The following SFPQ variants were observed in gnomAD, a reference collection of about 807,000 sequenced individuals.
SFPQ encodes the protein splicing factor, proline- and glutamine-rich.
In SFPQ, 11 loss-of-function variants were observed where a neutral mutation model predicts 72.9. The ratio of observed to expected loss-of-function variants is 0.15; its 90% CI spans 0.09 to 0.25. SFPQ has a LOEUF of 0.25. SFPQ is among the 10% of genes least tolerant of loss of function. The pLI is 1.00. For synonymous variants in SFPQ, 506 were observed against 367.3 expected (o/e 1.38, Z -4.32); for missense variants, 847 against 993.3 (o/e 0.85, Z 1.98).
Position 35,192,258 on chromosome 1 carries a change from G to C in SFPQ, c.792C>G (p.Pro264=), listed in dbSNP as rs969006575. The C allele has an allele frequency of 3.4e-6, 5 of 1,463,078 alleles. No homozygotes were observed. In the Admixed American group the frequency reaches 1.0e-4, roughly 30 times the overall value. The allele number at this position is 1,463,078 out of a possible 1,614,324, so 90.6% of individuals were successfully genotyped here. A position where few individuals can be genotyped will look rare whatever the true frequency, so the allele number is the denominator to read the frequency against. The change falls in exon 1 of 10, where the codon CCC becomes CCG. Residue 264 remains proline (P), a synonymous_variant. Transcript: ENST00000357214. ...AGATCTTCTCCTCGCTGCGGCCGCC[G>C]GGCCCGCCGGGCGGGGGCCCCTGGT... The part of the protein sequence containing the change: ...QHHQGPPPGG[P]GGRSEEKISD...
At chr1:35,181,106 C>G, downstream of SFPQ, 1 of 1,064,974 alleles carries the variant, frequency 9.4e-7, no homozygotes, top group Non-Finnish European at 1.1e-6. Flanking sequence ...TACAAGTCAC[C>G]AAGTTAGATT....
At chr1:35,181,696 T>G (rs1241093404), downstream of SFPQ, 51 of 1,061,102 alleles carry the variant, frequency 4.8e-5, no homozygotes, top group Non-Finnish European at 5.7e-5. Context: ...TGGGGACAAG[T>G]GGTTTCTTTA....
In SFPQ at chr1:35,192,771, C is replaced by G; in HGVS notation, c.279G>C (p.Pro93=). The G allele has an allele frequency of 6.0e-6, 9 of 1,500,310 alleles. No individual in the cohort carries two copies. Among genetic ancestry groups the G allele is most frequent in the Non-Finnish European group, 7.1e-6 (8 of 1,130,524 alleles). The allele number at this position is 1,500,310 out of a possible 1,614,324, so 92.9% of individuals were successfully genotyped here. A position where few individuals can be genotyped will look rare whatever the true frequency, so the allele number is the denominator to read the frequency against. ...PPHQPPPHPQ[P]HQQQQPPPPP... is the part of the protein sequence containing the mutation. Reference sequence around the variant, plus strand: ...GTGGCGGCGGCTGCTGCTGCTGATGCGGCTGTGGATGCGGCGGCGGCTGAT... The same window carrying G: ...GTGGCGGCGGCTGCTGCTGCTGATGGGGCTGTGGATGCGGCGGCGGCTGAT... Residue 93 remains proline, a synonymous_variant, in exon 1 of 10, where the codon CCG becomes CCC. Transcript: ENST00000357214.
downstream of SFPQ, chr1:35,181,465 C>G (rs1053045644): frequency 9.4e-7 from 1 of 1,063,548 alleles, no homozygotes; most frequent in Non-Finnish European, 1.1e-6. Flanking sequence ...TACAATACAT[C>G]TATAAAGAGT....
At position 35,189,083 on chromosome 1, in the gene SFPQ, C is replaced by T. The variant is rs1346365396; in HGVS notation, c.1617G>A (p.Leu539=). The change falls in exon 6 of 10, where the codon CTG becomes CTA. Residue 539 remains leucine, a synonymous_variant. Coordinates refer to ENST00000357214, the MANE Select transcript of SFPQ (RefSeq NM_005066.3). ...GTCTTAATTCTTCCTGTCGTCTCAT[C>T]AGATCTGAACATTGGAAAATATTTG... is the stretch of plus-strand genomic sequence containing the variant. ...EHQANLLRQD[L]MRRQEELRRM... The T allele has an allele frequency of 6.2e-7, 1 of 1,613,232 alleles. No homozygotes were observed. Among genetic ancestry groups the T allele is most frequent in the African/African-American group, 1.3e-5 (1 of 74,910 alleles).
Position 35,189,181 on chromosome 1 carries a change from T to C in SFPQ, c.1612+5A>G, listed in dbSNP as rs1484381522. On this transcript the variant is annotated splice_donor_5th_base_variant and intron_variant, in intron 5 of 9. Transcript: ENST00000357214. ...GCAATGATGTTCACGCACAGGTCTT[T>C]TTACCTTGGCGCAAAAGATTTGCCT... 2 of 1,613,744 alleles carry C rather than the reference T, an allele frequency of 1.2e-6. No individual in the cohort carries two copies.
chr1:35,182,570 CCAA>C (rs1639515093), downstream of SFPQ: 3 of 985,362 alleles, frequency 3.0e-6, no homozygotes, highest in African/African-American at 1.7e-5. Flanking sequence ...TCAGATTGTT[CCAA>C]CAATAGGTCT....
At chr1:35,186,516 A>G (rs1036179531) in intron 9 of SFPQ, among the ~76,000 whole-genome samples, 2 of 152,194 alleles carry the variant, frequency 1.3e-5, no homozygotes, top group Non-Finnish European at 2.9e-5. Context: ...TTCCCTTTTC[A>G]TAGGATAGAA....
rs929257711 is a variant in SFPQ at position 35,192,348 on chromosome 1, C to T, written c.702G>A (p.Pro234=). 3 of 1,396,318 alleles carry T rather than the reference C, an allele frequency of 2.1e-6. No homozygotes were observed. Among genetic ancestry groups the T allele is most frequent in the Middle Eastern group, 2.6e-4 (1 of 3,834 alleles). The allele number at this position is 1,396,318 out of a possible 1,614,324, so 86.5% of individuals were successfully genotyped here. ...CGCGGGGCTCCCCGCCGCCTCGATG[C>T]GGCGGCTTGGGGTGGCCGCCAGGCG... The part of the protein sequence containing the change: ...LSTPGGHPKP[P]HRGGGEPRGG... The change falls in exon 1 of 10, where the codon CCG becomes CCA. Residue 234 remains proline (P), a synonymous_variant. Coordinates refer to ENST00000357214, the MANE Select transcript of SFPQ (RefSeq NM_005066.3).
chr1:35,190,700 A>G lies in SFPQ; in HGVS notation c.1313T>C (p.Leu438Pro), dbSNP rs1639955825. The change falls in exon 3 of 10, where the codon CTG (leucine) becomes CCG (proline). Residue 438 changes from leucine to proline, a missense_variant. Physicochemically the swap from Leu to Pro is moderately conservative, Grantham distance 98. Around this residue, in one of 6 missense-constraint regions of SFPQ, gnomAD observed 132 missense variants for 255.4 expected, o/e 0.52. Coordinates refer to ENST00000357214, the MANE Select transcript of SFPQ (RefSeq NM_005066.3). Reference sequence around the variant, plus strand: ...AATAAACAAGACAACTTACGTCGTCAGTAAGAAAACACCTTCACTGCATCG... The same window carrying G: ...AATAAACAAGACAACTTACGTCGTCGGTAAGAAAACACCTTCACTGCATCG... ...FERCSEGVFL[L>P]TTTPRPVIVE... 1.2e-6 allele frequency: 2 copies of G among 1,613,054 alleles called. No homozygotes were observed. Among genetic ancestry groups the G allele is most frequent in the Non-Finnish European group, 1.7e-6 (2 of 1,179,502 alleles).
At chr1:35,180,290 T>A (rs1639413881), downstream of SFPQ, 1 of 1,048,662 alleles carries the variant, frequency 9.5e-7, no homozygotes, top group Non-Finnish European at 1.2e-6. Context: ...TGATGCAAAG[T>A]CCTAAGCAAC....
Position 35,192,390 on chromosome 1 carries a change from G to T in SFPQ, c.660C>A (p.Gly220=). Residue 220 remains glycine, a synonymous_variant, in exon 1 of 10, where the codon GGC becomes GGA. Transcript: ENST00000357214. ...GKMPGGPKPG[G]GPGLSTPGGH... is the part of the protein sequence containing the mutation. Reference sequence around the variant, plus strand: ...CGCCAGGCGTACTTAGGCCCGGGCCGCCACCTGGCTTCGGCCCGCCAGGCA... The same window carrying T: ...CGCCAGGCGTACTTAGGCCCGGGCCTCCACCTGGCTTCGGCCCGCCAGGCA... 1 of 1,411,286 alleles carries T rather than the reference G, an allele frequency of 7.1e-7. No individual in the cohort carries two copies. Among genetic ancestry groups the T allele is most frequent in the South Asian group, 1.5e-5 (1 of 66,860 alleles). The allele number at this position is 1,411,286 out of a possible 1,614,324, so 87.4% of individuals were successfully genotyped here. A position where few individuals can be genotyped will look rare whatever the true frequency, so the allele number is the denominator to read the frequency against.
At chr1:35,187,722 ACT>A (rs1639788535) in intron 7 of SFPQ, among the ~76,000 whole-genome samples, 1 of 151,440 alleles carries the variant, frequency 6.6e-6, no homozygotes, top group African/African-American at 2.4e-5. Flanking sequence ...CAAGAGCAAA[ACT>A]CTCTCCAAAA....
At chr1:35,188,883 C>T in intron 6 of SFPQ, 120 bp downstream of exon 6, 1 of 750,854 alleles carries the variant, frequency 1.3e-6, no homozygotes, top group Non-Finnish European at 2.3e-6. Context: ...ATCGCTTGAA[C>T]CCAGGAAGCG....
downstream of SFPQ, chr1:35,180,128 TCA>T: frequency 1.9e-6 from 2 of 1,049,014 alleles, no homozygotes; most frequent in Non-Finnish European, 2.3e-6. Flanking sequence ...AAGAAAAGTC[TCA>T]TAGTCATGAA....
intron 1 of SFPQ, 44 bp downstream of exon 1, chr1:35,192,178 C>T (rs1328635657): frequency 7.6e-7 from 1 of 1,320,924 alleles, no homozygotes; most frequent in Non-Finnish European, 9.7e-7. Flanking sequence ...AGGGGGCCGC[C>T]GCCATCTTAG....
chr1:35,188,872 A>G, intron 6 of SFPQ, 131 bp downstream of exon 6: 1 of 692,452 alleles, frequency 1.4e-6, no homozygotes, highest in Non-Finnish European at 2.5e-6. Context: ...GAGGCAAGAG[A>G]ATCGCTTGAA....
downstream of SFPQ, chr1:35,179,123 A>T: frequency 2.8e-6 from 3 of 1,058,926 alleles, no homozygotes; most frequent in Non-Finnish European, 3.4e-6. Context: ...CTAAAGCCAA[A>T]ACCAAATAAA....
At chr1:35,186,859 T>A in intron 9 of SFPQ, 142 bp downstream of exon 9, 1 of 762,392 alleles carries the variant, frequency 1.3e-6, no homozygotes, top group South Asian at 1.9e-5. Flanking sequence ...TCCTCAATAT[T>A]ACATATTTAT....
Sources: gnomAD v4.1 joint callset for allele counts (sites outside exome capture counted in the v4.1 genomes callset) on GRCh38, gnomAD v4.1.1 for gene constraint, gnomAD v4.1.1 regional missense constraint, MANE v1.5 for transcripts, NCBI Gene and HGNC (gene_info 2026-07-23, HGNC 2026-07-21) for gene names.